The following RABGAP1L variants were observed in gnomAD, a reference collection of about 807,000 sequenced individuals.
RABGAP1L encodes the protein RAB GTPase activating protein 1 like.
A neutral mutation model predicts 137.7 loss-of-function variants in RABGAP1L; 63 were observed. That is an observed-to-expected ratio of 0.46 (90% CI 0.37 to 0.56). The LOEUF (loss-of-function observed/expected upper bound fraction) is 0.56, where lower values mean the gene tolerates loss of function less well. RABGAP1L is among the 20% of genes least tolerant of loss of function. RABGAP1L has a pLI of 0.00. For missense variants in RABGAP1L, 1,095 were observed against 1,244.0 expected, an observed-to-expected ratio of 0.88 and a Z score of 1.80; for synonymous variants, 431 against 433.7, an observed-to-expected ratio of 0.99 and a Z score of 0.08.
chr1:174,728,169 T>C (rs1187629601), intron 17 of RABGAP1L, among the ~76,000 whole-genome samples: 2 of 152,242 alleles, frequency 1.3e-5, no homozygotes, highest in African/African-American at 4.8e-5. Context: ...ACTACAACTT[T>C]TATTTCTATT....
At chr1:174,288,254 G>T (rs1676248884) in intron 10 of RABGAP1L, among the ~76,000 whole-genome samples, 1 of 152,044 alleles carries the variant, frequency 6.6e-6, no homozygotes, top group South Asian at 2.1e-4. Flanking sequence ...ACCACCACAA[G>T]AATATTAGAG....
At chr1:174,217,399 A>G (rs753493810) in intron 1 of RABGAP1L, among the ~76,000 whole-genome samples, 12 of 152,218 alleles carry the variant, frequency 7.9e-5, no homozygotes, top group Non-Finnish European at 1.5e-4. Flanking sequence ...ATTTTCGTCC[A>G]TGACAATGAC....
At chr1:174,983,999 T>C (rs1245793610) in intron 24 of RABGAP1L, among the ~76,000 whole-genome samples, 1 of 150,122 alleles carries the variant, frequency 6.7e-6, no homozygotes, top group Non-Finnish European at 1.5e-5. Flanking sequence ...GTTGATGAAG[T>C]TGAATGGCAT....
chr1:174,655,081 A>ATT (rs1441963947), intron 14 of RABGAP1L, among the ~76,000 whole-genome samples: 1 of 151,446 alleles, frequency 6.6e-6, no homozygotes, highest in Non-Finnish European at 1.5e-5. Flanking sequence ...GTTTTCCTAA[A>ATT]CTGTTTGAGA....
Position 174,394,155 on chromosome 1 carries a change from A to C in RABGAP1L, c.1710+10A>C, listed in dbSNP as rs777835006. 3 of 1,608,022 alleles carry C rather than the reference A, an allele frequency of 1.9e-6. No homozygotes were observed. Among genetic ancestry groups the C allele is most frequent in the Non-Finnish European group, 2.5e-6 (3 of 1,177,276 alleles). On this transcript the variant is annotated intron_variant, in intron 13 of 25. Transcript: ENST00000681986. The stretch of plus-strand genomic sequence containing the variant: ...AATTCTTATCACAAAGGTAGGAAGA[A>C]GTTCTTTTCATATTATTTTCATTGG...
intron 13 of RABGAP1L, among the ~76,000 whole-genome samples, chr1:174,550,988 A>ATATATATATG (rs1394393682): frequency 9.0e-5 from 9 of 100,402 alleles, no homozygotes; most frequent in African/African-American, 5.0e-4. Flanking sequence ...ATATACATAT[A>ATATATATATG]TATATATACA....
chr1:174,555,217 T>A (rs567596264), intron 13 of RABGAP1L, among the ~76,000 whole-genome samples: 2 of 152,316 alleles, frequency 1.3e-5, no homozygotes, highest in East Asian at 3.9e-4. Context: ...TAAAAAGGAT[T>A]ACATGTATGC....
At chr1:174,446,843 A>G (rs975481384) in intron 13 of RABGAP1L, among the ~76,000 whole-genome samples, 1 of 152,238 alleles carries the variant, frequency 6.6e-6, no homozygotes, top group Non-Finnish European at 1.5e-5. Context: ...TAAATCATCT[A>G]CTGAAAATAG....
chr1:174,179,882 T>C (rs1179322331), intron 1 of RABGAP1L, among the ~76,000 whole-genome samples: 1 of 152,208 alleles, frequency 6.6e-6, no homozygotes, highest in Non-Finnish European at 1.5e-5. Context: ...TTTTTCATCT[T>C]ATGTATGCAT....
chr1:174,896,857 T>C (rs1282289032), intron 19 of RABGAP1L: 1 of 152,220 alleles, frequency 6.6e-6, no homozygotes, highest in Non-Finnish European at 1.5e-5. Context: ...GTAGTATAGT[T>C]TGAAGTCAGG....
At chr1:174,426,394 G>A (rs1441336603) in intron 13 of RABGAP1L, among the ~76,000 whole-genome samples, 2 of 151,998 alleles carry the variant, frequency 1.3e-5, no homozygotes, top group Non-Finnish European at 2.9e-5. Context: ...AAGTCAACAA[G>A]TATAAAAACA....
intron 13 of RABGAP1L, among the ~76,000 whole-genome samples, chr1:174,470,271 C>T (rs1657764452): frequency 6.6e-6 from 1 of 152,012 alleles, no homozygotes; most frequent in African/African-American, 2.4e-5. Context: ...ACTTTCTAGC[C>T]CCTCAAAAGC....
At chr1:174,655,104 CATA>C (rs1403730030) in intron 14 of RABGAP1L, among the ~76,000 whole-genome samples, 1 of 130,222 alleles carries the variant, frequency 7.7e-6, no homozygotes, top group African/African-American at 3.9e-5. Context: ...GATTTGCTAA[CATA>C]ATGCCTCATC....
chr1:174,823,294 T>C (rs928834605), intron 19 of RABGAP1L, among the ~76,000 whole-genome samples: 1 of 152,346 alleles, frequency 6.6e-6, no homozygotes, highest in Admixed American at 6.5e-5. Flanking sequence ...ATCCAGTAGT[T>C]GTGATTTATA....
At chr1:174,882,998 T>A (rs1445574280) in intron 19 of RABGAP1L, among the ~76,000 whole-genome samples, 1 of 152,108 alleles carries the variant, frequency 6.6e-6, no homozygotes, top group Non-Finnish European at 1.5e-5. Flanking sequence ...AATTTTTGTA[T>A]CTTTAGTAGA....
chr1:174,601,901 T>G (rs1034608042), intron 13 of RABGAP1L, among the ~76,000 whole-genome samples: 2 of 152,138 alleles, frequency 1.3e-5, no homozygotes, highest in Non-Finnish European at 2.9e-5. Flanking sequence ...TGAAACATAA[T>G]AAGAGTCACC....
intron 13 of RABGAP1L, among the ~76,000 whole-genome samples, chr1:174,541,391 G>A (rs779916201): frequency 1.7e-4 from 26 of 152,116 alleles, no homozygotes; most frequent in Non-Finnish European, 3.2e-4. Context: ...GAGTGCTTCT[G>A]GTTTTGGCCC....
intron 5 of RABGAP1L, among the ~76,000 whole-genome samples, chr1:174,248,898 A>G (rs1672482074): frequency 1.3e-5 from 2 of 152,192 alleles, no homozygotes; most frequent in Admixed American, 1.3e-4. Flanking sequence ...AATGTGACAC[A>G]TTGAAAATAT....
chr1:174,465,520 C>A (rs1311481616), intron 13 of RABGAP1L, among the ~76,000 whole-genome samples: 1 of 152,092 alleles, frequency 6.6e-6, no homozygotes, highest in Non-Finnish European at 1.5e-5. Flanking sequence ...CTTTTGTGTG[C>A]AAGTCATTGT....
Sources: gnomAD v4.1 joint callset for allele counts (sites outside exome capture counted in the v4.1 genomes callset) on GRCh38, gnomAD v4.1.1 for gene constraint, MANE v1.5 for transcripts, NCBI Gene and HGNC (gene_info 2026-07-23, HGNC 2026-07-21) for gene names.